Variants in RUSC2 observed in about 807,000 individuals in gnomAD.
The protein encoded by RUSC2 is RUN and SH3 domain containing 2.
Under a neutral mutation model 122.2 loss-of-function variants are expected in RUSC2, and 34 were observed. The observed-to-expected ratio is 0.28, with a 90% confidence interval of 0.21 to 0.37. RUSC2 has a LOEUF of 0.37. Ranked by LOEUF, RUSC2 falls within the 10% of genes least tolerant of loss-of-function variation. The probability of loss-of-function intolerance (pLI) is 1.00; values close to 1 mark genes in which losing one functional copy is unlikely to be tolerated. For missense variants in RUSC2, 1,747 were observed against 1,952.4 expected (o/e 0.89, Z 1.98); for synonymous variants, 784 against 790.0 (o/e 0.99, Z 0.13).
intron 1 of RUSC2, among the ~76,000 whole-genome samples, chr9:35,544,352 G>A (rs187960948): frequency 3.1e-5 from 4 of 130,082 alleles, no homozygotes; most frequent in African/African-American, 1.1e-4. Context: ...TCTGTCACCA[G>A]GCTGGAGTGC....
In RUSC2 at chr9:35,558,150, C is replaced by T. The variant is rs2131701322; in HGVS notation, c.3061-47C>T. The T allele has an allele frequency of 1.3e-6, 2 of 1,599,504 alleles. No individual in the cohort carries two copies. Among genetic ancestry groups the T allele is most frequent in the Non-Finnish European group, 1.7e-6 (2 of 1,172,140 alleles). ...ATGAGGGCCTGCTACGAGAGGACCA[C>T]AGTCAGGCCTGAGGGGGTTTCCTGC... On this transcript the variant is annotated intron_variant, in intron 6 of 11. Transcript: ENST00000361226. This position sits in a 1 kb window ranked among gnomAD's most constrained non-coding sequence, Gnocchi z 4.3.
intron 1 of RUSC2, among the ~76,000 whole-genome samples, chr9:35,519,523 G>A (rs772512256): frequency 6.6e-6 from 1 of 152,178 alleles, no homozygotes; most frequent in African/African-American, 2.4e-5. Context: ...GGCTCCCAGG[G>A]CCAGCCTACC....
At chr9:35,550,130 T>G (rs1266705689) in intron 2 of RUSC2, among the ~76,000 whole-genome samples, 1 of 151,192 alleles carries the variant, frequency 6.6e-6, no homozygotes, top group Non-Finnish European at 1.5e-5. Flanking sequence ...GAGAATCACT[T>G]GAATCTGGGA....
intron 1 of RUSC2, among the ~76,000 whole-genome samples, chr9:35,516,511 T>G (rs1043931047): frequency 6.6e-6 from 1 of 152,216 alleles, no homozygotes; most frequent in African/African-American, 2.4e-5. Flanking sequence ...AGATGGTTTA[T>G]GGTTCATTCT....
At position 35,555,705 on chromosome 9, in the gene RUSC2, C is replaced by A; in HGVS notation, c.2656+4C>A. 2 of 1,578,754 alleles carry A rather than the reference C, an allele frequency of 1.3e-6. No individual in the cohort carries two copies. Among genetic ancestry groups the A allele is most frequent in the Admixed American group, 1.9e-5 (1 of 51,480 alleles). On this transcript the variant is annotated splice_donor_region_variant and intron_variant, in intron 3 of 11. Transcript: ENST00000361226. This position sits in a 1 kb window ranked among gnomAD's most constrained non-coding sequence, Gnocchi z 4.6. Reference sequence around the variant, plus strand: ...ATGGCCACCAGGCCCAGTAATGGTACGAGCTCCAGCATCTCCCTACCCAAC... The same window carrying A: ...ATGGCCACCAGGCCCAGTAATGGTAAGAGCTCCAGCATCTCCCTACCCAAC...
At chr9:35,523,034 G>A (rs1032691224) in intron 1 of RUSC2, among the ~76,000 whole-genome samples, 1 of 152,172 alleles carries the variant, frequency 6.6e-6, no homozygotes, top group South Asian at 2.1e-4. Flanking sequence ...GATTAGTACT[G>A]CTTACTTTTG....
At chr9:35,499,897 C>G (rs1434314705) in intron 1 of RUSC2, among the ~76,000 whole-genome samples, 1 of 152,180 alleles carries the variant, frequency 6.6e-6, no homozygotes. Context: ...GAACCTACTA[C>G]TAGTCCCGTT....
At chr9:35,521,053 G>A (rs1352125257) in intron 1 of RUSC2, among the ~76,000 whole-genome samples, 3 of 152,196 alleles carry the variant, frequency 2.0e-5, no homozygotes, top group Non-Finnish European at 4.4e-5. Context: ...ACAGCTAGCA[G>A]TTAGAAGCCA....
At chr9:35,496,226 C>T (rs187690368) in intron 1 of RUSC2, among the ~76,000 whole-genome samples, 159 of 152,118 alleles carry the variant, frequency 1.0e-3, no homozygotes, top group East Asian at 1.2e-3. Context: ...TTCAATCGAG[C>T]GGGTTCTCAG....
At chr9:35,530,526 A>G (rs1038131547) in intron 1 of RUSC2, among the ~76,000 whole-genome samples, 4 of 152,190 alleles carry the variant, frequency 2.6e-5, no homozygotes, top group African/African-American at 4.8e-5. Flanking sequence ...GGAATGGGGA[A>G]AACAATCCAG....
chr9:35,541,843 G>A (rs1295374914), intron 1 of RUSC2, among the ~76,000 whole-genome samples: 5 of 149,214 alleles, frequency 3.4e-5, no homozygotes, highest in African/African-American at 1.2e-4. Context: ...AGTGGTCTTG[G>A]GCAAGTCATT....
At position 35,495,239 on chromosome 9, in the gene RUSC2, T is replaced by G. The variant is rs1386355867; in HGVS notation, c.-93+5067T>G. 3.4e-5 allele frequency among the ~76,000 whole-genome samples: 4 copies of G among 116,572 alleles called. No individual in the cohort carries two copies. In the East Asian group the frequency reaches 8.8e-4, roughly 26 times the overall value. 76.5% of individuals were successfully genotyped at this position (116,572 alleles called of 152,430 possible). On this transcript the variant is annotated intron_variant, in intron 1 of 11. Coordinates refer to ENST00000361226, the MANE Select transcript of RUSC2 (RefSeq NM_014806.5). ...ATAAAGTATATATTTATATTATATATGATATATATAATATATAAAATATAT... is the reference window on the plus strand; with the variant it reads ...ATAAAGTATATATTTATATTATATAGGATATATATAATATATAAAATATAT...
At chr9:35,494,168 A>G (rs1392812124) in intron 1 of RUSC2, among the ~76,000 whole-genome samples, 2 of 151,236 alleles carry the variant, frequency 1.3e-5, no homozygotes, top group African/African-American at 4.9e-5. Flanking sequence ...TTTTTTTTTA[A>G]ATAACAACCA....
In RUSC2 at chr9:35,548,817, G is replaced by A; in HGVS notation, c.2014+282G>A. 1 of 881,584 alleles carries A rather than the reference G, an allele frequency of 1.1e-6. No individual in the cohort carries two copies. Among genetic ancestry groups the A allele is most frequent in the Non-Finnish European group, 1.4e-6 (1 of 735,172 alleles). 54.6% of individuals were successfully genotyped at this position (881,584 alleles called of 1,614,324 possible). A position where few individuals can be genotyped will look rare whatever the true frequency, so the allele number is the denominator to read the frequency against. ...GGCCAAGCCAGGCGAATCACTTGAG[G>A]TCAGGAGTTTGAGACCAGCCTGGCC... is the stretch of plus-strand genomic sequence containing the variant. On this transcript the variant is annotated intron_variant, in intron 2 of 11. Coordinates refer to ENST00000361226, the MANE Select transcript of RUSC2 (RefSeq NM_014806.5). The surrounding 1 kb of genome is among the most constrained non-coding windows in gnomAD (Gnocchi z 4.5).
chr9:35,516,746 A>C (rs945068408), intron 1 of RUSC2, among the ~76,000 whole-genome samples: 1 of 152,230 alleles, frequency 6.6e-6, no homozygotes, highest in African/African-American at 2.4e-5. Context: ...TCTAAGATAC[A>C]GACCTTGCAT....
chr9:35,549,646 T>C (rs960121740), intron 2 of RUSC2, among the ~76,000 whole-genome samples: 20 of 152,212 alleles, frequency 1.3e-4, no homozygotes, highest in African/African-American at 4.8e-4. Context: ...GATTGGGCTT[T>C]GTGACGACTT....
At chr9:35,524,035 A>AT (rs1338313335) in intron 1 of RUSC2, among the ~76,000 whole-genome samples, 2 of 151,968 alleles carry the variant, frequency 1.3e-5, no homozygotes, top group Non-Finnish European at 2.9e-5. Flanking sequence ...GAAAATTGTC[A>AT]TTTTTTGGCC....
At chr9:35,542,853 T>G (rs1253739294) in intron 1 of RUSC2, among the ~76,000 whole-genome samples, 3 of 152,184 alleles carry the variant, frequency 2.0e-5, no homozygotes, top group Non-Finnish European at 2.9e-5. Flanking sequence ...TGTACATCAG[T>G]TTTTCCATAT....
chr9:35,517,373 G>A (rs1205965995), intron 1 of RUSC2, among the ~76,000 whole-genome samples: 1 of 152,176 alleles, frequency 6.6e-6, no homozygotes. Flanking sequence ...TATCGCCTTT[G>A]TTCTGACTGA....
Sources: allele counts gnomAD v4.1 joint callset (sites outside exome capture counted in the v4.1 genomes callset), GRCh38; gene constraint gnomAD v4.1.1; non-coding constraint Gnocchi (gnomAD v3.1); transcripts MANE v1.5; gene names NCBI Gene and HGNC (gene_info 2026-07-23, HGNC 2026-07-21).